CAB39: variants seen among roughly 807,000 people sequenced by gnomAD.
CAB39 encodes calcium binding protein 39, also known as calcium-binding protein 39.
Under a neutral mutation model 40.0 loss-of-function variants are expected in CAB39, and 8 were observed. The observed-to-expected ratio is 0.20, with a 90% CI of 0.12 to 0.36. The LOEUF is 0.36. CAB39 is among the 10% of genes least tolerant of loss of function. CAB39 has a pLI of 1.00. For synonymous variants in CAB39, 156 were observed against 141.6 expected, an observed-to-expected ratio of 1.10 and a Z score of -0.72; for missense variants, 270 against 401.1, an observed-to-expected ratio of 0.67 and a Z score of 2.79.
intron 1 of CAB39, chr2:230,725,514 A>G (rs1559588944): frequency 6.1e-6 from 6 of 983,108 alleles, no homozygotes; most frequent in Middle Eastern, 3.1e-4. Flanking sequence ...TTTAATATCA[A>G]ATTTTGTCCT....
At chr2:230,787,496 G>T (rs1209282240) in intron 2 of CAB39, among the ~76,000 whole-genome samples, 1 of 152,172 alleles carries the variant, frequency 6.6e-6, no homozygotes, top group Non-Finnish European at 1.5e-5. Context: ...AAAAATTGAA[G>T]TCTTCATTGC....
At chr2:230,715,814 C>A (rs1285348539) in intron 1 of CAB39, among the ~76,000 whole-genome samples, 1 of 152,172 alleles carries the variant, frequency 6.6e-6, no homozygotes, top group Non-Finnish European at 1.5e-5. Flanking sequence ...GCCATCCTCT[C>A]ACCTCAGCCT....
intron 2 of CAB39, among the ~76,000 whole-genome samples, chr2:230,776,132 T>C (rs1003533827): frequency 6.6e-6 from 1 of 152,090 alleles, no homozygotes; most frequent in Admixed American, 6.6e-5. Context: ...TAAAGAGGAA[T>C]GGTAGGAAGT....
At chr2:230,714,690 C>A (rs1039286545) in intron 1 of CAB39, among the ~76,000 whole-genome samples, 1 of 152,144 alleles carries the variant, frequency 6.6e-6, no homozygotes, top group Non-Finnish European at 1.5e-5. Context: ...CAGACGTAGA[C>A]CTTTTACAGA....
At chr2:230,726,358 G>T (rs755704936) in intron 1 of CAB39, among the ~76,000 whole-genome samples, 1 of 151,850 alleles carries the variant, frequency 6.6e-6, no homozygotes, top group African/African-American at 2.4e-5. Context: ...TTCCAGTAGA[G>T]ATGGGGTTTC....
At chr2:230,775,278 G>A (rs1005613311) in intron 2 of CAB39, among the ~76,000 whole-genome samples, 2 of 148,264 alleles carry the variant, frequency 1.3e-5, no homozygotes, top group East Asian at 2.0e-4. Flanking sequence ...GCTCTGTTGC[G>A]AGGCTGGAGT....
At chr2:230,770,676 A>G (rs1475563956) in intron 2 of CAB39, among the ~76,000 whole-genome samples, 2 of 152,246 alleles carry the variant, frequency 1.3e-5, no homozygotes, top group African/African-American at 4.8e-5. Context: ...TCACGAACAT[A>G]GATGCAGAAT....
intron 1 of CAB39, among the ~76,000 whole-genome samples, chr2:230,739,752 C>T (rs1249004655): frequency 6.6e-6 from 1 of 152,192 alleles, no homozygotes; most frequent in African/African-American, 2.4e-5. Context: ...CCTCGGCCTC[C>T]CAAAGTGCTG....
At chr2:230,762,996 A>C (rs1695321825) in intron 2 of CAB39, among the ~76,000 whole-genome samples, 2 of 152,244 alleles carry the variant, frequency 1.3e-5, no homozygotes, top group African/African-American at 4.8e-5. Context: ...AGGACCCAAA[A>C]GAGATTCGTG....
intron 2 of CAB39, among the ~76,000 whole-genome samples, chr2:230,785,423 G>A (rs953291233): frequency 6.6e-6 from 1 of 151,934 alleles, no homozygotes; most frequent in Non-Finnish European, 1.5e-5. Context: ...ATCTAAGGAG[G>A]GCCTATTCGA....
At chr2:230,789,487 A>C (rs982513097) in intron 2 of CAB39, among the ~76,000 whole-genome samples, 4 of 152,166 alleles carry the variant, frequency 2.6e-5, no homozygotes, top group Non-Finnish European at 4.4e-5. Flanking sequence ...GCCTAGGATT[A>C]ATTTTGTATG....
At chr2:230,746,170 C>A (rs1205405978) in intron 1 of CAB39, among the ~76,000 whole-genome samples, 1 of 152,138 alleles carries the variant, frequency 6.6e-6, no homozygotes, top group African/African-American at 2.4e-5. Context: ...AAAGTAGAAT[C>A]TGGAATCAGA....
At position 230,807,976 on chromosome 2, in the gene CAB39, C is replaced by T. The variant is rs533708704; in HGVS notation, c.568-2287C>T. 3.9e-5 allele frequency among the ~76,000 whole-genome samples: 6 copies of T among 152,318 alleles called. No homozygotes were observed. In the East Asian group the frequency reaches 9.6e-4, roughly 24 times the overall value. On this transcript the variant is annotated intron_variant, in intron 5 of 8. Transcript: ENST00000258418. ...CAACACTGTCTGACAGGGATCCTGACACTTGAATTCCTAAGTTAACATATT... is the reference window on the plus strand; with the variant it reads ...CAACACTGTCTGACAGGGATCCTGATACTTGAATTCCTAAGTTAACATATT...
chr2:230,770,249 A>G (rs1338743282), intron 2 of CAB39, among the ~76,000 whole-genome samples: 1 of 152,258 alleles, frequency 6.6e-6, no homozygotes, highest in Non-Finnish European at 1.5e-5. Context: ...ACCAGGAGGA[A>G]GAAAACACAA....
At chr2:230,745,949 T>G (rs922986601) in intron 1 of CAB39, among the ~76,000 whole-genome samples, 4 of 152,238 alleles carry the variant, frequency 2.6e-5, no homozygotes, top group East Asian at 3.9e-4. Flanking sequence ...AAAAAAAAAT[T>G]TTTTTAAGGA....
intron 5 of CAB39, among the ~76,000 whole-genome samples, chr2:230,808,839 A>G (rs912632393): frequency 2.0e-5 from 3 of 152,254 alleles, no homozygotes; most frequent in African/African-American, 7.2e-5. Context: ...ATGTTTTTCC[A>G]GACATGTTCC....
At chr2:230,733,784 A>G (rs888187661) in intron 1 of CAB39, among the ~76,000 whole-genome samples, 1 of 152,178 alleles carries the variant, frequency 6.6e-6, no homozygotes, top group Non-Finnish European at 1.5e-5. Context: ...TTTAGAGCAA[A>G]TGTTTCCAAG....
chr2:230,783,018 C>T (rs144345359), intron 2 of CAB39, among the ~76,000 whole-genome samples: 2,216 of 131,700 alleles, frequency 0.017, 52 homozygotes, highest in African/African-American at 0.062. Context: ...TTAGTAGAGA[C>T]GGGGTTTCAC....
At chr2:230,720,863 C>T (rs947953500) in intron 1 of CAB39, among the ~76,000 whole-genome samples, 1 of 152,322 alleles carries the variant, frequency 6.6e-6, no homozygotes, top group Admixed American at 6.5e-5. Context: ...GAGACAGAAA[C>T]TCAGGCCGTT....
Sources: allele counts gnomAD v4.1 joint callset (sites outside exome capture counted in the v4.1 genomes callset), GRCh38; gene constraint gnomAD v4.1.1; transcripts MANE v1.5; gene names NCBI Gene and HGNC (gene_info 2026-07-23, HGNC 2026-07-21).